FAM13C: variants seen among roughly 807,000 people sequenced by gnomAD.
The protein encoded by FAM13C is family with sequence similarity 13 member C, also known as protein FAM13C.
In FAM13C, 37 loss-of-function variants were observed where a neutral mutation model predicts 73.2. The ratio of observed to expected loss-of-function variants is 0.51; its 90% confidence interval spans 0.39 to 0.67. The LOEUF is 0.67. Among genes scored for constraint, FAM13C ranks in the 30% least tolerant of loss-of-function variants. The probability of loss-of-function intolerance (pLI) is 0.00; values close to 1 mark genes in which losing one functional copy is unlikely to be tolerated. For synonymous variants in FAM13C, 246 were observed against 260.9 expected (o/e 0.94, Z 0.55); for missense variants, 589 against 715.6 (o/e 0.82, Z 2.02).
At chr10:59,296,125 T>C (rs1156857710) in intron 5 of FAM13C, among the ~76,000 whole-genome samples, 1 of 152,194 alleles carries the variant, frequency 6.6e-6, no homozygotes, top group Non-Finnish European at 1.5e-5. Context: ...AGGAAGCCTC[T>C]TCCTAGACCA....
intron 6 of FAM13C, among the ~76,000 whole-genome samples, chr10:59,272,667 G>C (rs1273333713): frequency 2.0e-5 from 3 of 152,168 alleles, no homozygotes; most frequent in Non-Finnish European, 4.4e-5. Context: ...CGGGAGTTTG[G>C]TGTGCCTATA....
chr10:59,359,348 C>T (rs1450723640), intron 1 of FAM13C, among the ~76,000 whole-genome samples: 1 of 152,202 alleles, frequency 6.6e-6, no homozygotes. Flanking sequence ...CAGGGCATGC[C>T]ATTTCTTAGA....
At chr10:59,271,179 T>A (rs1420508719) in intron 6 of FAM13C, among the ~76,000 whole-genome samples, 1 of 152,212 alleles carries the variant, frequency 6.6e-6, no homozygotes, top group Non-Finnish European at 1.5e-5. Context: ...TCTTACTACT[T>A]CTTCTCCAAC....
chr10:59,287,210 G>A (rs1374226335), intron 5 of FAM13C, among the ~76,000 whole-genome samples: 3 of 148,728 alleles, frequency 2.0e-5, no homozygotes, highest in Admixed American at 6.7e-5. Flanking sequence ...GGTTGGGGGC[G>A]CCAGTAGTCC....
intron 4 of FAM13C, among the ~76,000 whole-genome samples, chr10:59,312,110 G>C (rs986598333): frequency 9.9e-5 from 15 of 152,016 alleles, no homozygotes; most frequent in Non-Finnish European, 2.1e-4. Context: ...ACAAGTGATG[G>C]GCTGGGGGGT....
In FAM13C at chr10:59,256,138, T is replaced by C. The variant is rs1389596706; in HGVS notation, c.1237-1695A>G. 2.0e-5 allele frequency among the ~76,000 whole-genome samples: 3 copies of C among 151,964 alleles called. No individual in the cohort carries two copies. The East Asian group carries it at 5.8e-4, about 29-fold the overall frequency. ...AACACTTTCTTATTACATCTTTCCA[T>C]GAAAAAAAACCCAACAAGTTCCTAT... On this transcript the variant is annotated intron_variant, in intron 10 of 13. Coordinates refer to ENST00000618804, the MANE Select transcript of FAM13C (RefSeq NM_198215.4).
intron 6 of FAM13C, among the ~76,000 whole-genome samples, chr10:59,279,911 C>G (rs190244690): frequency 5.2e-4 from 79 of 152,240 alleles, no homozygotes; most frequent in Admixed American, 7.8e-4. Context: ...AGGTGCCAGC[C>G]TGGTCAACTT....
chr10:59,333,569 T>A (rs1011296439), intron 3 of FAM13C, among the ~76,000 whole-genome samples: 1 of 152,278 alleles, frequency 6.6e-6, no homozygotes, highest in African/African-American at 2.4e-5. Flanking sequence ...AAGCCCACCT[T>A]TTATTCCTTT....
At position 59,286,988 on chromosome 10, in the gene FAM13C, C is replaced by G. The variant is rs189888297; in HGVS notation, c.508-3541G>C. ...GGTGGAGGATGCAGTGAGCCAAGAT[C>G]GCACCATTGCACTCCAGCCTGGGCA... On this transcript the variant is annotated intron_variant, in intron 5 of 13. Transcript: ENST00000618804. Among the ~76,000 whole-genome samples, 53 of 142,872 alleles carry G rather than the reference C, an allele frequency of 3.7e-4. No homozygotes were observed. The East Asian group carries it at 0.01, about 28-fold the overall frequency. 93.7% of individuals were successfully genotyped at this position (142,872 alleles called of 152,430 possible).
At chr10:59,314,147 A>T (rs544123456) in intron 4 of FAM13C, among the ~76,000 whole-genome samples, 2 of 152,312 alleles carry the variant, frequency 1.3e-5, no homozygotes, top group Admixed American at 1.3e-4. Context: ...TGAGATTAAA[A>T]TTTAGATAAA....
chr10:59,301,609 T>C (rs1273616366), intron 5 of FAM13C, among the ~76,000 whole-genome samples: 1 of 152,238 alleles, frequency 6.6e-6, no homozygotes, highest in African/African-American at 2.4e-5. Flanking sequence ...ATCACCTCAT[T>C]TTTCTAGTCA....
intron 3 of FAM13C, among the ~76,000 whole-genome samples, chr10:59,346,959 T>A (rs1339353671): frequency 6.6e-6 from 1 of 152,098 alleles, no homozygotes; most frequent in Non-Finnish European, 1.5e-5. Context: ...ACTCAACATC[T>A]CCTAACTTCA....
rs756223065 is a variant in FAM13C at position 59,268,705 on chromosome 10, A to G, written c.804-14T>C. ...GAACTCCGCGGCCTGCAGTGATTAC[A>G]AGGAGGAAGGAGTATCAAAAACAGT... is the stretch of plus-strand genomic sequence containing the variant. On this transcript the variant is annotated splice_polypyrimidine_tract_variant and intron_variant, in intron 7 of 13. Transcript: ENST00000618804. The G allele has an allele frequency of 1.4e-5, 22 of 1,607,156 alleles. No homozygotes were observed. The South Asian group carries it at 2.1e-4, about 15-fold the overall frequency.
chr10:59,355,777 G>T, intron 2 of FAM13C, 110 bp downstream of exon 2: 1 of 1,142,108 alleles, frequency 8.8e-7, no homozygotes, highest in Non-Finnish European at 1.3e-6. Context: ...GATGAGACAT[G>T]AGAACAAATA....
intron 5 of FAM13C, among the ~76,000 whole-genome samples, chr10:59,290,578 C>G (rs1267797932): frequency 6.6e-6 from 1 of 152,200 alleles, no homozygotes; most frequent in Non-Finnish European, 1.5e-5. Flanking sequence ...CTACTCAGCT[C>G]TAGTTGTTTC....
chr10:59,338,687 C>A (rs284636), intron 3 of FAM13C, among the ~76,000 whole-genome samples: 37,137 of 151,912 alleles, frequency 0.24, 4,765 homozygotes, highest in African/African-American at 0.29. Flanking sequence ...AGGTAGAAGT[C>A]CCCACTCCAT....
At chr10:59,332,186 T>A (rs1030716179) in intron 3 of FAM13C, among the ~76,000 whole-genome samples, 7 of 152,114 alleles carry the variant, frequency 4.6e-5, no homozygotes, top group Non-Finnish European at 8.8e-5. Flanking sequence ...AATGTATATA[T>A]AGTAAGAACC....
rs1589313648 is a variant in FAM13C at position 59,247,353 on chromosome 10, G to C, written c.*261C>G. 2.4e-6 allele frequency: 1 copy of C among 420,776 alleles called. No individual in the cohort carries two copies. Among genetic ancestry groups the C allele is most frequent in the African/African-American group, 2.1e-5 (1 of 47,634 alleles). The allele number at this position is 420,776 out of a possible 1,614,324, so 26.1% of individuals were successfully genotyped here. ...ATATTAGACATTTTTAAAAATACTT[G>C]TATTGACTATGAGTTTTCTGCTTGG... On this transcript the variant is annotated 3_prime_UTR_variant, in exon 14 of 14. Coordinates refer to ENST00000618804, the MANE Select transcript of FAM13C (RefSeq NM_198215.4).
At chr10:59,256,122 T>A (rs952022957) in intron 10 of FAM13C, among the ~76,000 whole-genome samples, 7 of 152,182 alleles carry the variant, frequency 4.6e-5, no homozygotes, top group African/African-American at 1.7e-4. Context: ...AAACACTTTC[T>A]TATTACATCT....
Sources: allele counts gnomAD v4.1 joint callset (sites outside exome capture counted in the v4.1 genomes callset), GRCh38; gene constraint gnomAD v4.1.1; transcripts MANE v1.5; gene names NCBI Gene and HGNC (gene_info 2026-07-23, HGNC 2026-07-21).